The following PDE4B variants were observed in gnomAD, a reference collection of about 807,000 sequenced individuals.
PDE4B encodes the protein 3',5'-cyclic-AMP phosphodiesterase 4B.
Under a neutral mutation model 82.2 loss-of-function variants are expected in PDE4B, and 20 were observed. The ratio of observed to expected loss-of-function variants is 0.24; its 90% CI spans 0.17 to 0.35. PDE4B has a LOEUF of 0.35. PDE4B is among the 10% of genes least tolerant of loss of function. PDE4B has a pLI of 1.00. For synonymous variants in PDE4B, 320 were observed against 318.9 expected, an observed-to-expected ratio of 1.00 and a Z score of -0.04; for missense variants, 655 against 907.2, an observed-to-expected ratio of 0.72 and a Z score of 3.57.
intron 1 of PDE4B, among the ~76,000 whole-genome samples, chr1:65,868,755 G>A (rs1344531665): frequency 1.3e-5 from 2 of 152,176 alleles, no homozygotes; most frequent in South Asian, 2.1e-4. Flanking sequence ...GAGCATTACC[G>A]CCTGAACTCT....
intron 3 of PDE4B, among the ~76,000 whole-genome samples, chr1:66,171,364 A>C (rs370309127): frequency 1.3e-5 from 2 of 152,218 alleles, no homozygotes; most frequent in South Asian, 2.1e-4. Context: ...GTCTTCTGTA[A>C]CAAAATATAA....
At chr1:66,128,880 A>G (rs1209905346) in intron 3 of PDE4B, among the ~76,000 whole-genome samples, 1 of 152,202 alleles carries the variant, frequency 6.6e-6, no homozygotes, top group Non-Finnish European at 1.5e-5. Context: ...ATTCACTACC[A>G]TGAGAACAGT....
intron 1 of PDE4B, among the ~76,000 whole-genome samples, chr1:65,818,677 C>T (rs1645913719): frequency 1.4e-5 from 1 of 70,150 alleles, no homozygotes; most frequent in South Asian, 5.2e-4. Context: ...TATATTCACA[C>T]ACACACACAT....
chr1:66,171,762 A>C (rs1646840609), intron 3 of PDE4B, among the ~76,000 whole-genome samples: 2 of 152,154 alleles, frequency 1.3e-5, no homozygotes, highest in South Asian at 4.1e-4. Flanking sequence ...GAAGATTGTG[A>C]TGTAATATGA....
At chr1:66,132,065 T>C (rs1557584095) in intron 3 of PDE4B, among the ~76,000 whole-genome samples, 1 of 152,206 alleles carries the variant, frequency 6.6e-6, no homozygotes, top group Non-Finnish European at 1.5e-5. Flanking sequence ...AGCCCATCAC[T>C]TGTGGGCTAG....
At chr1:66,113,315 A>G (rs1645526608) in intron 3 of PDE4B, among the ~76,000 whole-genome samples, 1 of 152,218 alleles carries the variant, frequency 6.6e-6, no homozygotes, top group Admixed American at 6.5e-5. Flanking sequence ...TGGGAAGGAA[A>G]ACATCAATTT....
At chr1:66,171,723 A>AG (rs1195025699) in intron 3 of PDE4B, among the ~76,000 whole-genome samples, 2 of 152,102 alleles carry the variant, frequency 1.3e-5, no homozygotes, top group Non-Finnish European at 2.9e-5. Flanking sequence ...TGTGTAAATG[A>AG]GTTTATAATG....
rs185904577 is a variant in PDE4B, at chr1:65,916,091, G to C, written c.43-2506G>C. Among the ~76,000 whole-genome samples, 747 of 152,266 alleles carry C rather than the reference G, an allele frequency of 4.9e-3. 10 individuals are homozygous for C. The highest frequency in any genetic ancestry group is 6.7e-3 in the Non-Finnish European group (456 of 68,002). On this transcript the variant is annotated intron_variant, in intron 2 of 16. Transcript: ENST00000341517. ...ATGGGTATGAATTACAGAGTGTGAA[G>C]TAATTATGAATAAATCTGCATGAGT...
intron 3 of PDE4B, among the ~76,000 whole-genome samples, chr1:66,232,233 A>G (rs974607589): frequency 9.9e-5 from 15 of 152,216 alleles, no homozygotes; most frequent in African/African-American, 3.6e-4. Flanking sequence ...CCATAAGATT[A>G]CCAGCAGAGC....
intron 3 of PDE4B, among the ~76,000 whole-genome samples, chr1:66,171,174 T>A (rs1646830057): frequency 6.6e-6 from 1 of 152,148 alleles, no homozygotes; most frequent in South Asian, 2.1e-4. Context: ...TTTTTTTTTC[T>A]AGGATTGGTA....
intron 1 of PDE4B, among the ~76,000 whole-genome samples, chr1:65,908,025 T>A (rs528112252): frequency 6.6e-6 from 1 of 152,254 alleles, no homozygotes; most frequent in Admixed American, 6.5e-5. Context: ...TGAACTCTCA[T>A]ATACATAGAC....
intron 1 of PDE4B, among the ~76,000 whole-genome samples, chr1:65,892,363 G>C (rs1333178887): frequency 6.6e-6 from 1 of 151,932 alleles, no homozygotes; most frequent in East Asian, 1.9e-4. Context: ...CCACAAATGA[G>C]TCACTATTTT....
intron 3 of PDE4B, among the ~76,000 whole-genome samples, chr1:66,201,038 G>C (rs1648883021): frequency 1.3e-5 from 2 of 152,154 alleles, no homozygotes; most frequent in African/African-American, 2.4e-5. Context: ...CTAATTTATT[G>C]AGAGTTTTTG....
chr1:66,321,343 G>C (rs1659390094), intron 7 of PDE4B, among the ~76,000 whole-genome samples: 1 of 152,152 alleles, frequency 6.6e-6, no homozygotes. Flanking sequence ...TCTAACTTAT[G>C]AATGTTTCAA....
intron 3 of PDE4B, among the ~76,000 whole-genome samples, chr1:66,091,527 G>T (rs372467814): frequency 1.3e-5 from 2 of 151,990 alleles, no homozygotes; most frequent in African/African-American, 4.8e-5. Context: ...CATTGTTTTT[G>T]TTATATGCCT....
At chr1:66,318,100 C>G (rs1659150155) in intron 7 of PDE4B, among the ~76,000 whole-genome samples, 1 of 152,114 alleles carries the variant, frequency 6.6e-6, no homozygotes, top group Non-Finnish European at 1.5e-5. Context: ...TGGGGTTTAG[C>G]CTGGGAATCA....
chr1:65,870,002 T>C (rs1646555487), intron 1 of PDE4B, among the ~76,000 whole-genome samples: 1 of 152,158 alleles, frequency 6.6e-6, no homozygotes, highest in African/African-American at 2.4e-5. Flanking sequence ...GTGGAAAGGG[T>C]TTGAGAACTA....
chr1:66,337,483 G>A (rs550122748), intron 8 of PDE4B, among the ~76,000 whole-genome samples: 114 of 152,350 alleles, frequency 7.5e-4, no homozygotes, highest in African/African-American at 2.6e-3. Context: ...GCAATGAGAG[G>A]TGTGAAGAGA....
At chr1:66,180,461 A>C (rs940641256) in intron 3 of PDE4B, among the ~76,000 whole-genome samples, 4 of 152,216 alleles carry the variant, frequency 2.6e-5, no homozygotes, top group Non-Finnish European at 5.9e-5. Flanking sequence ...GGCATGGCAC[A>C]ATTTATAATT....
Sources: gnomAD v4.1 joint callset for allele counts (sites outside exome capture counted in the v4.1 genomes callset) on GRCh38, gnomAD v4.1.1 for gene constraint, MANE v1.5 for transcripts, NCBI Gene and HGNC (gene_info 2026-07-23, HGNC 2026-07-21) for gene names.